ZNF835: variants seen among roughly 807,000 people sequenced by gnomAD.
ZNF835 encodes the protein zinc finger protein 835.
For missense variants in ZNF835, 783 were observed against 758.4 expected, an observed-to-expected ratio of 1.03 and a Z score of -0.38; for synonymous variants, 323 against 324.7, an observed-to-expected ratio of 0.99 and a Z score of 0.06.
In ZNF835 at chr19:56,664,002, G is replaced by A. The variant is rs1275941477; in HGVS notation, c.1197C>T (p.Phe399=). ...GCTCTATAAGCGAGGACACGTGGCTGAAGGCGGCCCCGCATTGCAGGCACC... is the reference window on the plus strand; with the variant it reads ...GCTCTATAAGCGAGGACACGTGGCTAAAGGCGGCCCCGCATTGCAGGCACC... ...PYRCLQCGAA[F]SHVSSLIEHQ... Residue 399 remains phenylalanine (F), a synonymous_variant, in exon 2 of 2, where the codon TTC becomes TTT. Transcript: ENST00000537055. The A allele has an allele frequency of 6.2e-7, 1 of 1,612,732 alleles. No homozygotes were observed. Among genetic ancestry groups the A allele is most frequent in the Admixed American group, 1.7e-5 (1 of 59,996 alleles).
At position 56,665,222 on chromosome 19, in the gene ZNF835, T is replaced by C; in HGVS notation, c.-24A>G. 1 of 1,612,928 alleles carries C rather than the reference T, an allele frequency of 6.2e-7. No homozygotes were observed. The highest frequency in any genetic ancestry group is 8.5e-7 in the Non-Finnish European group (1 of 1,179,696). ...ATCCTCGATCCCTGGGCTGCTGTCTTGATCTCACATCTTTTCTCTGGGTCT... is the reference window on the plus strand; with the variant it reads ...ATCCTCGATCCCTGGGCTGCTGTCTCGATCTCACATCTTTTCTCTGGGTCT... On this transcript the variant is annotated 5_prime_UTR_variant, in exon 2 of 2. Transcript: ENST00000537055.
intron 1 of ZNF835, among the ~76,000 whole-genome samples, chr19:56,666,653 T>C (rs1158147982): frequency 6.6e-6 from 1 of 152,220 alleles, no homozygotes; most frequent in Non-Finnish European, 1.5e-5. Flanking sequence ...AAGACAGTTT[T>C]CTTTTCTGGG....
At position 56,663,832 on chromosome 19, in the gene ZNF835, C is replaced by CT; in HGVS notation, c.1366dup (p.Ser456LysfsTer55). On this transcript the variant is annotated frameshift_variant, in exon 2 of 2. Transcript: ENST00000537055. LOFTEE classifies it low-confidence loss of function (END_TRUNC). ...GTGCTGGATCAGGTAGGAGCGGTTG[C>CT]TGAAGGCCTTGCCGCACTCGGGGCA... is the stretch of plus-strand genomic sequence containing the variant. 1 of 1,613,906 alleles carries CT rather than the reference C, an allele frequency of 6.2e-7. No individual in the cohort carries two copies. Among genetic ancestry groups the CT allele is most frequent in the South Asian group, 1.1e-5 (1 of 91,086 alleles).
chr19:56,662,020 G>A lies in ZNF835; in HGVS notation c.*1565C>T, dbSNP rs1460652283. On this transcript the variant is annotated 3_prime_UTR_variant, in exon 2 of 2. Transcript: ENST00000537055. The stretch of plus-strand genomic sequence containing the variant: ...ATAACTTTAATTCAACATTGTAGTA[G>A]GTGGATTACGTTCATAACTCCTACT... The A allele has an allele frequency of 6.6e-6, 1 of 152,020 alleles. No homozygotes were observed. The highest frequency in any genetic ancestry group is 1.5e-5 in the Non-Finnish European group (1 of 68,020). 9.4% of individuals were successfully genotyped at this position (152,020 alleles called of 1,614,324 possible).
chr19:56,664,003 A>G lies in ZNF835; in HGVS notation c.1196T>C (p.Phe399Ser). 1 of 1,612,492 alleles carries G rather than the reference A, an allele frequency of 6.2e-7. No homozygotes were observed. Among genetic ancestry groups the G allele is most frequent in the Non-Finnish European group, 8.5e-7 (1 of 1,179,430 alleles). ...PYRCLQCGAA[F>S]SHVSSLIEHQ... ...CTCTATAAGCGAGGACACGTGGCTG[A>G]AGGCGGCCCCGCATTGCAGGCACCT... Residue 399 changes from phenylalanine (F) to serine (S), a missense_variant, in exon 2 of 2, where the codon TTC (phenylalanine) becomes TCC (serine). By Grantham distance (155) the Phe-to-Ser change is radical. Coordinates refer to ENST00000537055, the MANE Select transcript of ZNF835 (RefSeq NM_001005850.3).
Position 56,664,534 on chromosome 19 carries a change from T to C in ZNF835, c.665A>G (p.Tyr222Cys), listed in dbSNP as rs1202795646. The C allele has an allele frequency of 1.2e-6, 2 of 1,609,852 alleles. No homozygotes were observed. The highest frequency in any genetic ancestry group is 1.3e-5 in the African/African-American group (1 of 74,660). The change falls in exon 2 of 2, where the codon TAC (tyrosine) becomes TGC (cysteine). Residue 222 changes from tyrosine to cysteine, a missense_variant. Transcript: ENST00000537055. ...HRRVHTGERP[Y>C]ACAQCAKAFR... ...CGCCTTGGCGCACTGGGCGCACGCG[T>C]AGGGCCGCTCGCCCGTGTGCACGCG...
chr19:56,670,711 C>T (rs576535478), intron 1 of ZNF835, among the ~76,000 whole-genome samples: 2 of 152,342 alleles, frequency 1.3e-5, no homozygotes, highest in East Asian at 3.9e-4. Context: ...CCAAAGCCCA[C>T]ATGTGCAGCG....
rs1200120422 is a variant in ZNF835 at position 56,664,350 on chromosome 19, G to A, written c.849C>T (p.Cys283=). The change falls in exon 2 of 2, where the codon TGC becomes TGT. Residue 283 remains cysteine (C), a synonymous_variant. Coordinates refer to ENST00000537055, the MANE Select transcript of ZNF835 (RefSeq NM_001005850.3). The part of the protein sequence containing the change: ...TEEKPYRCGQ[C]AKAFAQIAHL... Reference sequence around the variant, plus strand: ...GCGCGATCTGCGCGAAGGCCTTGGCGCACTGGCCGCAGCGGTAGGGCTTCT... The same window carrying A: ...GCGCGATCTGCGCGAAGGCCTTGGCACACTGGCCGCAGCGGTAGGGCTTCT... The A allele has an allele frequency of 1.2e-6, 2 of 1,607,918 alleles. No individual in the cohort carries two copies. Among genetic ancestry groups the A allele is most frequent in the Middle Eastern group, 1.7e-4 (1 of 6,052 alleles).
chr19:56,663,923 C>T lies in ZNF835; in HGVS notation c.1276G>A (p.Ala426Thr). The T allele has an allele frequency of 6.2e-7, 1 of 1,608,488 alleles. No individual in the cohort carries two copies. Among genetic ancestry groups the T allele is most frequent in the Non-Finnish European group, 8.5e-7 (1 of 1,176,450 alleles). Residue 426 changes from alanine to threonine, a missense_variant, in exon 2 of 2, where the codon GCT becomes ACT. Coordinates refer to ENST00000537055, the MANE Select transcript of ZNF835 (RefSeq NM_001005850.3). ...GCGAGCGAGGAGCCCTGGCTGAAAG[C>T]TTTGCCGCACTCGCCGCACTTGTAG... ...RPYKCGECGKAFSQGSSLALH... is the reference protein window; with the variant it reads ...RPYKCGECGKTFSQGSSLALH...
rs956564746 is a variant in ZNF835 at position 56,664,731 on chromosome 19, G to C, written c.468C>G (p.His156Gln). ...AFSQSVHLTLHQRTHTGEKPY... is the reference protein window; with the variant it reads ...AFSQSVHLTLQQRTHTGEKPY... ...GCTTCTCGCCCGTGTGCGTGCGCTG[G>C]TGCAGGGTCAGGTGCACGCTCTGGC... is the stretch of plus-strand genomic sequence containing the variant. Residue 156 changes from histidine (H) to glutamine (Q), a missense_variant, in exon 2 of 2, where the codon CAC (histidine) becomes CAG (glutamine). His to Gln is a conservative substitution (Grantham distance 24). Transcript: ENST00000537055. 1 of 1,612,020 alleles carries C rather than the reference G, an allele frequency of 6.2e-7. No individual in the cohort carries two copies. Among genetic ancestry groups the C allele is most frequent in the South Asian group, 1.1e-5 (1 of 90,808 alleles).
At chr19:56,667,501 C>T (rs994906717) in intron 1 of ZNF835, among the ~76,000 whole-genome samples, 1 of 152,184 alleles carries the variant, frequency 6.6e-6, no homozygotes, top group Non-Finnish European at 1.5e-5. Context: ...CCCCTTCTCC[C>T]GAGGGACATG....
rs773193662 is a variant in ZNF835 at position 56,663,965 on chromosome 19, G to A, written c.1234C>T (p.His412Tyr). Residue 412 changes from histidine to tyrosine, a missense_variant, in exon 2 of 2, where the codon CAC becomes TAC. His to Tyr is a moderately conservative substitution (Grantham distance 83). Transcript: ENST00000537055. ...CACTTGTAGGGCCGCTCTCCGGTGT[G>A]GATCTTCTGGTGCTCTATAAGCGAG... ...VSSLIEHQKI[H>Y]TGERPYKCGE... 2 of 1,612,830 alleles carry A rather than the reference G, an allele frequency of 1.2e-6. No homozygotes were observed. The highest frequency in any genetic ancestry group is 2.2e-5 in the East Asian group (1 of 44,830).
chr19:56,670,754 C>A (rs2045282396), intron 1 of ZNF835, among the ~76,000 whole-genome samples: 1 of 152,216 alleles, frequency 6.6e-6, no homozygotes, highest in African/African-American at 2.4e-5. Flanking sequence ...ACACTTCAGA[C>A]AGCACGGCAC....
Position 56,664,958 on chromosome 19 carries a change from G to A in ZNF835, c.241C>T (p.Arg81Trp), listed in dbSNP as rs1396755343. 3.1e-6 allele frequency: 5 copies of A among 1,613,908 alleles called. No homozygotes were observed. Among genetic ancestry groups the A allele is most frequent in the South Asian group, 2.2e-5 (2 of 91,086 alleles). ...QASVPDDSSS[R>W]RCSAPGESPK... ...CTCTCCCCAGGCGCGCTGCACCTCC[G>A]GGAACTGCTGTCGTCGGGGACACTG... Residue 81 changes from arginine (R) to tryptophan (W), a missense_variant, in exon 2 of 2, where the codon CGG becomes TGG. Coordinates refer to ENST00000537055, the MANE Select transcript of ZNF835 (RefSeq NM_001005850.3).
In ZNF835 at chr19:56,664,457, T is replaced by A. The variant is rs1481111220; in HGVS notation, c.742A>T (p.Lys248Ter). Residue 248 changes from lysine (K) to a stop codon, truncating the protein, a stop_gained, in exon 2 of 2, where the codon AAG (lysine) becomes TAG (stop). Transcript: ENST00000537055. LOFTEE classifies it low-confidence loss of function (END_TRUNC). Reference sequence around the variant, plus strand: ...GCGCACGCGGAGCACTCGTAGGGCTTCTCACCGGTGTGGATGCGCTGGTGC... The same window carrying A: ...GCGCACGCGGAGCACTCGTAGGGCTACTCACCGGTGTGGATGCGCTGGTGC... ...IEHQRIHTGE[K>*]PYECSACAKA... 1 of 1,607,496 alleles carries A rather than the reference T, an allele frequency of 6.2e-7. No homozygotes were observed. The highest frequency in any genetic ancestry group is 8.5e-7 in the Non-Finnish European group (1 of 1,177,772).
chr19:56,670,725 C>T (rs2045282077), intron 1 of ZNF835, among the ~76,000 whole-genome samples: 1 of 152,236 alleles, frequency 6.6e-6, no homozygotes, highest in South Asian at 2.1e-4. Flanking sequence ...TGCAGCGTCT[C>T]CATCATGTGC....
chr19:56,665,482 G>A (rs775624840), intron 1 of ZNF835: 1 of 669,180 alleles, frequency 1.5e-6, no homozygotes, highest in Admixed American at 1.8e-5. Context: ...CAACCCCTGA[G>A]TTGTAACAAT....
chr19:56,664,563 G>T lies in ZNF835; in HGVS notation c.636C>A (p.His212Gln). 1 of 1,607,622 alleles carries T rather than the reference G, an allele frequency of 6.2e-7. No individual in the cohort carries two copies. The highest frequency in any genetic ancestry group is 1.1e-5 in the South Asian group (1 of 90,620). ...AFTRVTHLTQ[H>Q]RRVHTGERPY... is the part of the protein sequence containing the mutation. The stretch of plus-strand genomic sequence containing the variant: ...GCCGCTCGCCCGTGTGCACGCGCCG[G>T]TGCTGGGTCAGGTGCGTGACGCGCG... Residue 212 changes from histidine to glutamine, a missense_variant, in exon 2 of 2, where the codon CAC becomes CAA. By Grantham distance (24) the His-to-Gln change is conservative. Coordinates refer to ENST00000537055, the MANE Select transcript of ZNF835 (RefSeq NM_001005850.3).
chr19:56,667,946 G>C (rs2045259833), intron 1 of ZNF835, among the ~76,000 whole-genome samples: 1 of 152,166 alleles, frequency 6.6e-6, no homozygotes, highest in African/African-American at 2.4e-5. Flanking sequence ...GAACTGTGTG[G>C]AAATAAATGC....
Sources: allele counts gnomAD v4.1 joint callset (sites outside exome capture counted in the v4.1 genomes callset), GRCh38; gene constraint gnomAD v4.1.1; transcripts MANE v1.5; gene names NCBI Gene and HGNC (gene_info 2026-07-23, HGNC 2026-07-21).